LCOR: variants seen among roughly 807,000 people sequenced by gnomAD.
LCOR encodes the protein ligand-dependent corepressor.
A neutral mutation model predicts 64.4 loss-of-function variants in LCOR; 14 were observed. The observed-to-expected ratio is 0.22, with a 90% CI of 0.14 to 0.34. The LOEUF is 0.34. LCOR is among the 10% of genes least tolerant of loss of function. LCOR has a pLI of 1.00. For synonymous variants in LCOR, 643 were observed against 642.5 expected, an observed-to-expected ratio of 1.00 and a Z score of -0.01; for missense variants, 1,686 against 1,765.3, an observed-to-expected ratio of 0.96 and a Z score of 0.80.
chr10:96,839,436 T>C (rs554450490), intron 2 of LCOR, among the ~76,000 whole-genome samples: 21 of 152,254 alleles, frequency 1.4e-4, no homozygotes, highest in Non-Finnish European at 2.8e-4. Flanking sequence ...AGGTGCGGTG[T>C]CTCACACCTG....
chr10:96,920,634 T>TG (rs1564626302), intron 4 of LCOR, among the ~76,000 whole-genome samples: 4 of 145,898 alleles, frequency 2.7e-5, no homozygotes, highest in African/African-American at 1.0e-4. Context: ...GTATGTACAT[T>TG]CATATATGTG....
chr10:96,973,964 C>T (rs1033351265), intron 7 of LCOR, among the ~76,000 whole-genome samples: 1 of 152,174 alleles, frequency 6.6e-6, no homozygotes, highest in South Asian at 2.1e-4. Flanking sequence ...ATAACATAAG[C>T]ATTGCCCACC....
chr10:96,902,928 A>G (rs1478554861), intron 2 of LCOR, among the ~76,000 whole-genome samples: 1 of 152,208 alleles, frequency 6.6e-6, no homozygotes. Context: ...AAACCTAGAT[A>G]ATATAGCCTA....
At chr10:96,901,155 C>T (rs189224478) in intron 2 of LCOR, among the ~76,000 whole-genome samples, 176 of 151,886 alleles carry the variant, frequency 1.2e-3, no homozygotes, top group Admixed American at 2.8e-3. Context: ...CGCCACTGCA[C>T]TCCAGCCTGG....
chr10:96,912,902 A>AATAT (rs1260094252), intron 4 of LCOR, among the ~76,000 whole-genome samples: 1 of 152,048 alleles, frequency 6.6e-6, no homozygotes, highest in Non-Finnish European at 1.5e-5. Flanking sequence ...TTGTTGTTTT[A>AATAT]ATATATCAGT....
chr10:96,922,638 A>G (rs1454794793), intron 4 of LCOR, among the ~76,000 whole-genome samples: 2 of 152,200 alleles, frequency 1.3e-5, no homozygotes, highest in East Asian at 1.9e-4. Context: ...TTTCCAACCA[A>G]TAGAGGCATA....
At position 96,928,298 on chromosome 10, in the gene LCOR, T is replaced by TAG. The variant is rs1847201756; in HGVS notation, c.-183-15815_-183-15814insAG. Among the ~76,000 whole-genome samples the TAG allele has an allele frequency of 2.6e-5, 4 of 152,344 alleles. No homozygotes were observed. In the South Asian group the frequency reaches 8.3e-4, roughly 32 times the overall value. On this transcript the variant is annotated intron_variant, in intron 4 of 7. Coordinates refer to ENST00000421806, the MANE Select transcript of LCOR (RefSeq NM_001346516.2). ...TGTATCAACTAAGTTTGCTTAATATTCTATATCCTTTGTTGTTATTTCAAC... is the reference window on the plus strand; with the variant it reads ...TGTATCAACTAAGTTTGCTTAATATTAGCTATATCCTTTGTTGTTATTTCAAC...
At chr10:96,863,757 C>T (rs935258339) in intron 2 of LCOR, among the ~76,000 whole-genome samples, 2 of 152,094 alleles carry the variant, frequency 1.3e-5, no homozygotes, top group Admixed American at 6.6e-5. Flanking sequence ...TTACCTTAGG[C>T]GTTTGCTAAA....
At chr10:96,883,835 T>G (rs1220464399) in intron 2 of LCOR, among the ~76,000 whole-genome samples, 1 of 152,218 alleles carries the variant, frequency 6.6e-6, no homozygotes, top group Non-Finnish European at 1.5e-5. Flanking sequence ...TAATGAATTA[T>G]TTTAATTGAC....
At chr10:96,962,464 G>A (rs886486060) in intron 7 of LCOR, 2 of 152,034 alleles carry the variant, frequency 1.3e-5, no homozygotes, top group African/African-American at 2.4e-5. Context: ...GGATCTTAAT[G>A]TTTTTAAGTT....
At chr10:96,851,818 T>C (rs920363562) in intron 2 of LCOR, among the ~76,000 whole-genome samples, 2 of 152,252 alleles carry the variant, frequency 1.3e-5, no homozygotes, top group African/African-American at 4.8e-5. Context: ...GACGTTGTTG[T>C]TGTTTAACAG....
At chr10:96,916,225 G>T (rs951640385) in intron 4 of LCOR, among the ~76,000 whole-genome samples, 1 of 151,926 alleles carries the variant, frequency 6.6e-6, no homozygotes, top group African/African-American at 2.4e-5. Context: ...TAGAGATGGG[G>T]TTTCACCTTG....
At chr10:96,881,146 A>C (rs955512525) in intron 2 of LCOR, among the ~76,000 whole-genome samples, 2 of 152,164 alleles carry the variant, frequency 1.3e-5, no homozygotes, top group African/African-American at 4.8e-5. Flanking sequence ...GGCCTTTTAC[A>C]GAAAAGGTTT....
chr10:96,844,608 T>G (rs1179351893), intron 2 of LCOR, among the ~76,000 whole-genome samples: 1 of 152,244 alleles, frequency 6.6e-6, no homozygotes, highest in Non-Finnish European at 1.5e-5. Context: ...TCCTTTTTTC[T>G]TTTTGATTTT....
chr10:96,968,338 T>C (rs2134552194), intron 7 of LCOR, among the ~76,000 whole-genome samples: 1 of 152,336 alleles, frequency 6.6e-6, no homozygotes, highest in Non-Finnish European at 1.5e-5. Flanking sequence ...CATTCTTGAC[T>C]CAAGCTAGAA....
At chr10:96,970,045 C>T (rs2134553647) in intron 7 of LCOR, among the ~76,000 whole-genome samples, 1 of 149,100 alleles carries the variant, frequency 6.7e-6, no homozygotes, top group Middle Eastern at 3.5e-3. Context: ...CCCGCCTCAG[C>T]CTCCCAAAAT....
intron 7 of LCOR, among the ~76,000 whole-genome samples, chr10:96,976,941 GT>G (rs1380296918): frequency 1.3e-5 from 2 of 152,202 alleles, no homozygotes; most frequent in African/African-American, 4.8e-5. Context: ...TATCTCTTCA[GT>G]TTTTCTACAA....
chr10:96,937,526 T>C (rs2134499862), intron 4 of LCOR, among the ~76,000 whole-genome samples: 1 of 152,296 alleles, frequency 6.6e-6, no homozygotes, highest in Non-Finnish European at 1.5e-5. Flanking sequence ...TTTCTTTCTT[T>C]TTTTAAATAG....
chr10:96,967,957 C>G (rs903908186), intron 7 of LCOR, among the ~76,000 whole-genome samples: 4 of 152,042 alleles, frequency 2.6e-5, no homozygotes, highest in African/African-American at 9.7e-5. Flanking sequence ...ATATAGATGC[C>G]TGGGTCCTAC....
Sources: allele counts gnomAD v4.1 joint callset (sites outside exome capture counted in the v4.1 genomes callset), GRCh38; gene constraint gnomAD v4.1.1; transcripts MANE v1.5; gene names NCBI Gene and HGNC (gene_info 2026-07-23, HGNC 2026-07-21).